Variants in ATP9B observed in about 807,000 individuals in gnomAD.
ATP9B encodes the protein probable phospholipid-transporting ATPase IIB.
In ATP9B, 110 loss-of-function variants were observed where a neutral mutation model predicts 146.1. That is an observed-to-expected ratio of 0.75 (90% CI 0.65 to 0.88). ATP9B has a LOEUF of 0.88. ATP9B is among the 40% of genes least tolerant of loss of function. The pLI, the probability that ATP9B is intolerant of heterozygous loss-of-function variation, is 0.00. For missense variants in ATP9B, 1,499 were observed against 1,496.4 expected (o/e 1.00, Z -0.03); for synonymous variants, 604 against 569.7 (o/e 1.06, Z -0.86).
At chr18:79,289,281 C>G (rs534603562) in intron 13 of ATP9B, among the ~76,000 whole-genome samples, 1 of 152,210 alleles carries the variant, frequency 6.6e-6, no homozygotes, top group Non-Finnish European at 1.5e-5. Context: ...TCTTTTCACA[C>G]AGTCTCATGT....
intron 15 of ATP9B, among the ~76,000 whole-genome samples, chr18:79,318,685 T>C (rs138687711): frequency 9.0e-4 from 137 of 152,380 alleles, no homozygotes; most frequent in African/African-American, 3.1e-3. Flanking sequence ...GAAGAAACAC[T>C]GTGTATATGC....
At chr18:79,177,069 A>G (rs1328073025) in intron 8 of ATP9B, among the ~76,000 whole-genome samples, 162 bp downstream of exon 8, 1 of 152,206 alleles carries the variant, frequency 6.6e-6, no homozygotes, top group African/African-American at 2.4e-5. Context: ...GTGCCAAAAT[A>G]ATTTCTGTGA....
chr18:79,235,467 C>T (rs182267104), intron 11 of ATP9B, among the ~76,000 whole-genome samples: 100 of 151,336 alleles, frequency 6.6e-4, no homozygotes, highest in African/African-American at 2.0e-3. Context: ...ATATTATTGA[C>T]GGTCAGTATT....
intron 9 of ATP9B, 21 bp from the exon 10 acceptor site, chr18:79,206,916 T>C (rs1431248861): frequency 6.2e-7 from 1 of 1,611,290 alleles, no homozygotes; most frequent in Admixed American, 1.7e-5. Context: ...GGTTTTGTTT[T>C]CTTTTTGTCT....
intron 1 of ATP9B, among the ~76,000 whole-genome samples, chr18:79,077,289 T>C (rs1297770207): frequency 6.6e-6 from 1 of 152,168 alleles, no homozygotes; most frequent in African/African-American, 2.4e-5. Context: ...ATGTGGGGGT[T>C]ACTGCCAGAA....
intron 12 of ATP9B, among the ~76,000 whole-genome samples, chr18:79,264,288 C>G (rs1408940540): frequency 6.6e-6 from 1 of 152,080 alleles, no homozygotes; most frequent in Non-Finnish European, 1.5e-5. Flanking sequence ...TGATCATTTC[C>G]CAGATTGATA....
In ATP9B at chr18:79,337,412, G is replaced by A. The variant is rs1423025641; in HGVS notation, c.2246G>A (p.Arg749Gln). ...GAGGACCAGCTGCAGGCAGACGTGCGGCCCACGCTGGAGATGCTGCGCAAC... is the reference window on the plus strand; with the variant it reads ...GAGGACCAGCTGCAGGCAGACGTGCAGCCCACGCTGGAGATGCTGCGCAAC... ...GVEDQLQADVRPTLEMLRNAG... is the reference protein window; with the variant it reads ...GVEDQLQADVQPTLEMLRNAG... Residue 749 changes from arginine to glutamine, a missense_variant, in exon 19 of 30, where the codon CGG becomes CAG. By Grantham distance (43) the Arg-to-Gln change is conservative. Transcript: ENST00000426216. 6.2e-6 allele frequency: 10 copies of A among 1,613,366 alleles called. No homozygotes were observed. Among genetic ancestry groups the A allele is most frequent in the South Asian group, 2.2e-5 (2 of 91,054 alleles).
At chr18:79,084,849 CGTT>C (rs544377515) in intron 1 of ATP9B, among the ~76,000 whole-genome samples, 3 of 151,972 alleles carry the variant, frequency 2.0e-5, no homozygotes, top group Admixed American at 1.3e-4. Flanking sequence ...TAAAAGATAA[CGTT>C]GGTTAGTTGT....
chr18:79,322,447 A>G (rs2096721386), intron 15 of ATP9B, among the ~76,000 whole-genome samples: 1 of 152,190 alleles, frequency 6.6e-6, no homozygotes, highest in South Asian at 2.1e-4. Flanking sequence ...CCCTCGGGGC[A>G]CGGTCAGGCA....
At chr18:79,254,180 A>C (rs1337452111) in intron 12 of ATP9B, 1 of 152,384 alleles carries the variant, frequency 6.6e-6, no homozygotes, top group Non-Finnish European at 1.5e-5. Context: ...ACTGAAACCT[A>C]ATGATGGATA....
chr18:79,152,236 TTAG>T (rs1398752357), intron 6 of ATP9B, among the ~76,000 whole-genome samples: 1 of 152,180 alleles, frequency 6.6e-6, no homozygotes, highest in Non-Finnish European at 1.5e-5. Flanking sequence ...GGAGTGTAAA[TTAG>T]TAGAAGTGGT....
intron 10 of ATP9B, among the ~76,000 whole-genome samples, 155 bp from the exon 11 acceptor site, chr18:79,213,807 T>G (rs923274126): frequency 1.3e-5 from 2 of 152,166 alleles, no homozygotes; most frequent in African/African-American, 4.8e-5. Context: ...GAGATTAGAT[T>G]TTCTTGAATT....
At chr18:79,346,934 A>C (rs2096892390) in intron 23 of ATP9B, among the ~76,000 whole-genome samples, 1 of 152,242 alleles carries the variant, frequency 6.6e-6, no homozygotes, top group Non-Finnish European at 1.5e-5. Flanking sequence ...ACATTTCATA[A>C]TGTCAATCCT....
intron 12 of ATP9B, among the ~76,000 whole-genome samples, chr18:79,275,585 G>A (rs939732614): frequency 2.6e-5 from 4 of 152,188 alleles, no homozygotes; most frequent in African/African-American, 7.2e-5. Flanking sequence ...TAAAGGTTTC[G>A]TCTCTAGCCC....
chr18:79,298,540 T>C lies in ATP9B; in HGVS notation c.1412-5064T>C, dbSNP rs1036035828. Among the ~76,000 whole-genome samples the C allele has an allele frequency of 5.4e-5, 8 of 146,886 alleles. 1 individual carries two copies. Among genetic ancestry groups the C allele is most frequent in the Non-Finnish European group, 1.2e-4 (8 of 66,198 alleles). On this transcript the variant is annotated intron_variant, in intron 13 of 29. Transcript: ENST00000426216. ...AAAAATGTCACTTCTCTTTTCGATA[T>C]TCAGTTTAATTCAGTTTCTGTCAAG...
intron 20 of ATP9B, 60 bp from the exon 21 acceptor site, chr18:79,344,205 C>A (rs2096873737): frequency 9.6e-6 from 14 of 1,452,832 alleles, no homozygotes; most frequent in African/African-American, 1.4e-5. Flanking sequence ...TGCCCTGTTT[C>A]TCTGTGCCTG....
At chr18:79,189,313 C>T (rs2095339860) in intron 8 of ATP9B, among the ~76,000 whole-genome samples, 2 of 152,030 alleles carry the variant, frequency 1.3e-5, no homozygotes, top group Admixed American at 1.3e-4. Context: ...TGCCGCTGCA[C>T]TCCAGCCTGG....
intron 5 of ATP9B, among the ~76,000 whole-genome samples, chr18:79,134,184 C>T (rs890615039): frequency 1.3e-5 from 2 of 152,156 alleles, no homozygotes; most frequent in African/African-American, 4.8e-5. Context: ...CTCCTTTTCC[C>T]TCTTAGAGAC....
intron 12 of ATP9B, among the ~76,000 whole-genome samples, chr18:79,256,259 A>G (rs201981331): frequency 2.0e-5 from 1 of 50,464 alleles, no homozygotes; most frequent in Non-Finnish European, 6.1e-5. Context: ...CTAGCTAGCT[A>G]TATATATATA....
Sources: allele counts gnomAD v4.1 joint callset (sites outside exome capture counted in the v4.1 genomes callset), GRCh38; gene constraint gnomAD v4.1.1; transcripts MANE v1.5; gene names NCBI Gene and HGNC (gene_info 2026-07-23, HGNC 2026-07-21).